The following AFF3 variants were observed in gnomAD, a reference collection of about 807,000 sequenced individuals.
The protein encoded by AFF3 is AF4/FMR2 family member 3.
A neutral mutation model predicts 129.7 loss-of-function variants in AFF3; 32 were observed. That is an observed-to-expected ratio of 0.25 (90% CI 0.19 to 0.33). The LOEUF is 0.33. Ranked by LOEUF, AFF3 falls within the 10% of genes least tolerant of loss-of-function variation. The pLI, the probability that AFF3 is intolerant of heterozygous loss-of-function variation, is 1.00. For synonymous variants in AFF3, 644 were observed against 635.4 expected, an observed-to-expected ratio of 1.01 and a Z score of -0.20; for missense variants, 1,373 against 1,592.0, an observed-to-expected ratio of 0.86 and a Z score of 2.34.
intron 4 of AFF3, among the ~76,000 whole-genome samples, chr2:100,063,252 C>CAAAAAAAAAAAAAAAAAAAAAA (rs33964775): frequency 9.8e-6 from 1 of 101,814 alleles, no homozygotes; most frequent in Non-Finnish European, 1.9e-5. Flanking sequence ...AACTCCATCT[C>CAAAAAAAAAAAAAAAAAAAAAA]AAAAAAAAAA....
chr2:100,075,524 C>A (rs528710373), intron 4 of AFF3, among the ~76,000 whole-genome samples: 1 of 152,200 alleles, frequency 6.6e-6, no homozygotes, highest in African/African-American at 2.4e-5. Flanking sequence ...CAGAGCACCA[C>A]CAGACAAGAG....
chr2:99,827,374 C>T (rs1235058167), intron 8 of AFF3, among the ~76,000 whole-genome samples: 1 of 152,072 alleles, frequency 6.6e-6, no homozygotes, highest in Non-Finnish European at 1.5e-5. Context: ...GAGGGTGTGA[C>T]AGAGACACCA....
At chr2:99,848,258 A>AAAAAT in intron 7 of AFF3, among the ~76,000 whole-genome samples, 2 of 151,472 alleles carry the variant, frequency 1.3e-5, no homozygotes, top group East Asian at 3.9e-4. Context: ...TCAAAAAAAT[A>AAAAAT]AAAATAAAAA....
intron 7 of AFF3, among the ~76,000 whole-genome samples, chr2:99,845,872 G>GCT (rs1257477920): frequency 1.4e-4 from 22 of 152,088 alleles, no homozygotes; most frequent in African/African-American, 5.3e-4. Context: ...TTGCTCTGTT[G>GCT]CCTAGGCTGG....
chr2:100,108,630 G>T (rs1255954409), intron 2 of AFF3, among the ~76,000 whole-genome samples: 1 of 152,144 alleles, frequency 6.6e-6, no homozygotes, highest in Admixed American at 6.5e-5. Context: ...AAATGGTTTT[G>T]AACTGGCTGG....
chr2:99,849,832 G>C (rs1690017177), intron 7 of AFF3, among the ~76,000 whole-genome samples: 1 of 152,112 alleles, frequency 6.6e-6, no homozygotes, highest in Admixed American at 6.6e-5. Flanking sequence ...ATGATGGATT[G>C]GTTGCTCATA....
intron 14 of AFF3, among the ~76,000 whole-genome samples, chr2:99,596,022 C>A (rs1021195281): frequency 1.3e-5 from 2 of 152,204 alleles, no homozygotes; most frequent in Non-Finnish European, 1.5e-5. Flanking sequence ...TGTGAGGATG[C>A]GGAAGCCCAT....
intron 2 of AFF3, among the ~76,000 whole-genome samples, chr2:100,121,768 A>G (rs1310039775): frequency 6.6e-6 from 1 of 152,244 alleles, no homozygotes; most frequent in Non-Finnish European, 1.5e-5. Context: ...AGTCAAATTA[A>G]TAACAAGCAT....
intron 8 of AFF3, among the ~76,000 whole-genome samples, chr2:99,757,656 C>A (rs1682233803): frequency 6.6e-6 from 1 of 152,134 alleles, no homozygotes; most frequent in Non-Finnish European, 1.5e-5. Flanking sequence ...TCCTGGGCTA[C>A]CTCTAAGTGG....
At chr2:99,925,751 C>T (rs1696192592) in intron 7 of AFF3, among the ~76,000 whole-genome samples, 1 of 152,172 alleles carries the variant, frequency 6.6e-6, no homozygotes. Flanking sequence ...TGCAGGGATG[C>T]TGCATACAAG....
In AFF3 at chr2:99,737,582, T is replaced by C. The variant is rs369696268; in HGVS notation, c.1039+6522A>G. Among the ~76,000 whole-genome samples, 106 of 152,210 alleles carry C rather than the reference T, an allele frequency of 7.0e-4. 1 individual carries two copies. Among genetic ancestry groups the C allele is most frequent in the African/African-American group, 1.3e-3 (53 of 41,516 alleles). ...TAAGTTGGTTGAGTTGTTGAAGATATTAAAGGGTATTTTAATTTTTATGTG... is the reference window on the plus strand; with the variant it reads ...TAAGTTGGTTGAGTTGTTGAAGATACTAAAGGGTATTTTAATTTTTATGTG... On this transcript the variant is annotated intron_variant, in intron 10 of 24. Transcript: ENST00000672756.
intron 12 of AFF3, among the ~76,000 whole-genome samples, chr2:99,666,377 T>C (rs1686677766): frequency 6.6e-6 from 1 of 152,094 alleles, no homozygotes; most frequent in Admixed American, 6.6e-5. Flanking sequence ...TATAGTGTAA[T>C]ACCTAGAATA....
At chr2:99,950,906 G>A (rs1227028468) in intron 7 of AFF3, among the ~76,000 whole-genome samples, 1 of 152,176 alleles carries the variant, frequency 6.6e-6, no homozygotes, top group African/African-American at 2.4e-5. Context: ...GACTACATAT[G>A]TCTACATCCA....
intron 13 of AFF3, among the ~76,000 whole-genome samples, chr2:99,612,396 T>C (rs1382296756): frequency 6.6e-6 from 1 of 152,236 alleles, no homozygotes; most frequent in Non-Finnish European, 1.5e-5. Context: ...ACTGCTATTA[T>C]GAGAATTAAG....
At position 99,563,771 on chromosome 2, in the gene AFF3, T is replaced by C. The variant is rs144361733; in HGVS notation, c.3119+1716A>G. ...GTTGTGGTGAGCTGAGATTGTGCCATTGCACTCCAGCCTGGGCAGTAAGAG... is the reference window on the plus strand; with the variant it reads ...GTTGTGGTGAGCTGAGATTGTGCCACTGCACTCCAGCCTGGGCAGTAAGAG... On this transcript the variant is annotated intron_variant, in intron 20 of 24. Coordinates refer to ENST00000672756, the MANE Select transcript of AFF3 (RefSeq NM_001386135.1). Among the ~76,000 whole-genome samples, 699 of 139,990 alleles carry C rather than the reference T, an allele frequency of 5.0e-3. 5 individuals carry two copies. Among genetic ancestry groups the C allele is most frequent in the African/African-American group, 0.018 (673 of 37,070 alleles). 91.8% of individuals were successfully genotyped at this position (139,990 alleles called of 152,430 possible).
chr2:99,786,107 G>A (rs1377978811), intron 8 of AFF3, among the ~76,000 whole-genome samples: 1 of 152,210 alleles, frequency 6.6e-6, no homozygotes, highest in Non-Finnish European at 1.5e-5. Context: ...TTCGTTGAGT[G>A]CGGACTCTCA....
At chr2:99,908,791 G>A (rs1694905059) in intron 7 of AFF3, among the ~76,000 whole-genome samples, 1 of 152,190 alleles carries the variant, frequency 6.6e-6, no homozygotes, top group African/African-American at 2.4e-5. Context: ...TCTCACACCA[G>A]TTAGAGTGGC....
At chr2:99,905,683 T>TCTACTTA (rs1398581775) in intron 7 of AFF3, among the ~76,000 whole-genome samples, 1 of 152,188 alleles carries the variant, frequency 6.6e-6, no homozygotes, top group Non-Finnish European at 1.5e-5. Flanking sequence ...AATTTAACTG[T>TCTACTTA]CTACTTACTA....
chr2:99,563,810 C>CAAAAAAAAAAAAAAAAAAAAA (rs34843347), intron 20 of AFF3, among the ~76,000 whole-genome samples: 1 of 76,078 alleles, frequency 1.3e-5, no homozygotes, highest in Non-Finnish European at 2.4e-5. Flanking sequence ...AATTTAGTCT[C>CAAAAAAAAAAAAAAAAAAAAA]AAAAAAAAAA....
Sources: gnomAD v4.1 joint callset for allele counts (sites outside exome capture counted in the v4.1 genomes callset) on GRCh38, gnomAD v4.1.1 for gene constraint, MANE v1.5 for transcripts, NCBI Gene and HGNC (gene_info 2026-07-23, HGNC 2026-07-21) for gene names.